VIPR2: variants seen among roughly 807,000 people sequenced by gnomAD.
VIPR2 encodes the protein vasoactive intestinal peptide receptor 2, also known as vasoactive intestinal polypeptide receptor 2.
In VIPR2, 48 loss-of-function variants were observed where a neutral mutation model predicts 58.0. The ratio of observed to expected loss-of-function variants is 0.83; its 90% CI spans 0.66 to 1.05. VIPR2 has a LOEUF of 1.05. VIPR2 is among the 50% of genes least tolerant of loss of function. The pLI, the probability that VIPR2 is intolerant of heterozygous loss-of-function variation, is 0.00. For synonymous variants in VIPR2, 243 were observed against 235.2 expected, an observed-to-expected ratio of 1.03 and a Z score of -0.30; for missense variants, 534 against 558.0, an observed-to-expected ratio of 0.96 and a Z score of 0.43.
At chr7:159,110,607 G>A (rs1278777077) in intron 2 of VIPR2, among the ~76,000 whole-genome samples, 4 of 151,906 alleles carry the variant, frequency 2.6e-5, no homozygotes, top group Non-Finnish European at 4.4e-5. Context: ...ACTTGTCCAT[G>A]GTATTTATAC....
In VIPR2 at chr7:159,103,976, G is replaced by A; in HGVS notation, c.260-122C>T. The A allele has an allele frequency of 5.0e-6, 4 of 800,924 alleles. No individual in the cohort carries two copies. In the South Asian group the frequency reaches 6.5e-5, roughly 13 times the overall value. 49.6% of individuals were successfully genotyped at this position (800,924 alleles called of 1,614,324 possible). A position where few individuals can be genotyped will look rare whatever the true frequency, so the allele number is the denominator to read the frequency against. ...CTTCCCACACCCAGGGGTCAGCTAGGAGACAGGACTGCCACTCAAAAAACC... is the reference window on the plus strand; with the variant it reads ...CTTCCCACACCCAGGGGTCAGCTAGAAGACAGGACTGCCACTCAAAAAACC... On this transcript the variant is annotated intron_variant, in intron 3 of 12. Coordinates refer to ENST00000262178, the MANE Select transcript of VIPR2 (RefSeq NM_003382.5).
Position 159,097,032 on chromosome 7 carries a change from C to A in VIPR2, c.357+6725G>T. On this transcript the variant is annotated intron_variant, in intron 4 of 12. Transcript: ENST00000262178. This position sits in a 1 kb window ranked among gnomAD's most constrained non-coding sequence, Gnocchi z 5.3. Reference sequence around the variant, plus strand: ...CTCTCAGAGGTGATTTGGGGCAGGCCGCTCTGGGGGTCTCTGGCAGGCTCC... The same window carrying A: ...CTCTCAGAGGTGATTTGGGGCAGGCAGCTCTGGGGGTCTCTGGCAGGCTCC... The A allele has an allele frequency of 6.5e-7, 1 of 1,550,074 alleles. No individual in the cohort carries two copies. The highest frequency in any genetic ancestry group is 8.7e-7 in the Non-Finnish European group (1 of 1,146,702).
intron 4 of VIPR2, among the ~76,000 whole-genome samples, chr7:159,092,493 A>G (rs906500249): frequency 6.6e-6 from 1 of 152,128 alleles, no homozygotes; most frequent in South Asian, 2.1e-4. Context: ...ATCTTCAAAT[A>G]TTCATTTCCT....
At chr7:159,042,929 G>T in intron 6 of VIPR2, 106 bp downstream of exon 6, 1 of 1,414,670 alleles carries the variant, frequency 7.1e-7, no homozygotes, top group Non-Finnish European at 9.5e-7. Context: ...ATGACCCTGT[G>T]CCCTGACAGG....
chr7:159,101,368 G>A (rs1165104446), intron 4 of VIPR2, among the ~76,000 whole-genome samples: 10 of 129,778 alleles, frequency 7.7e-5, no homozygotes, highest in Admixed American at 1.6e-4. Flanking sequence ...CGGGTCTCAC[G>A]AGATCCGACG....
intron 10 of VIPR2, among the ~76,000 whole-genome samples, chr7:159,033,618 A>G (rs924745256): frequency 6.6e-6 from 1 of 152,178 alleles, no homozygotes; most frequent in African/African-American, 2.4e-5. Flanking sequence ...CATCTACTGA[A>G]GGGAGATCAC....
intron 2 of VIPR2, among the ~76,000 whole-genome samples, chr7:159,131,058 C>T (rs970630329): frequency 4.6e-5 from 7 of 152,076 alleles, no homozygotes; most frequent in East Asian, 1.9e-4. Flanking sequence ...CATGCAGAAA[C>T]GTAGATAATG....
At chr7:159,067,444 C>G (rs1346569019) in intron 4 of VIPR2, among the ~76,000 whole-genome samples, 1 of 152,208 alleles carries the variant, frequency 6.6e-6, no homozygotes, top group Non-Finnish European at 1.5e-5. Flanking sequence ...CACCAACGGC[C>G]CAGAACCCAG....
At chr7:159,111,502 A>C (rs1826416779) in intron 2 of VIPR2, among the ~76,000 whole-genome samples, 1 of 152,050 alleles carries the variant, frequency 6.6e-6, no homozygotes, top group African/African-American at 2.4e-5. Context: ...CAACATGGTG[A>C]AACCCCGTCT....
rs144616955 is a variant in VIPR2, at chr7:159,094,154, C to G, written c.357+9603G>C. On this transcript the variant is annotated intron_variant, in intron 4 of 12. Transcript: ENST00000262178. ...TCTCCACAGGGGAGGCTCCTCCCCT[C>G]TGCTCCATCCCCATGGGAGCCAGGG... Among the ~76,000 whole-genome samples, 1,288 of 152,336 alleles carry G rather than the reference C, an allele frequency of 8.5e-3. 21 individuals carry two copies. The highest frequency in any genetic ancestry group is 0.027 in the African/African-American group (1,110 of 41,574).
intron 3 of VIPR2, among the ~76,000 whole-genome samples, chr7:159,104,148 T>G (rs921598917): frequency 6.6e-6 from 1 of 152,180 alleles, no homozygotes; most frequent in Non-Finnish European, 1.5e-5. Flanking sequence ...TGAAAATTCT[T>G]AACAGACTCT....
At chr7:159,103,270 C>T (rs549261432) in intron 4 of VIPR2, among the ~76,000 whole-genome samples, 13 of 152,254 alleles carry the variant, frequency 8.5e-5, no homozygotes, top group African/African-American at 2.2e-4. Context: ...CACCTCTTGG[C>T]GGAGGACAAG....
intron 4 of VIPR2, among the ~76,000 whole-genome samples, chr7:159,078,468 G>A (rs1048895289): frequency 6.6e-6 from 1 of 152,164 alleles, no homozygotes; most frequent in African/African-American, 2.4e-5. Context: ...ATATTCAAAA[G>A]CTGATTTCCA....
chr7:159,066,500 C>T (rs1856103471), intron 4 of VIPR2, among the ~76,000 whole-genome samples: 2 of 152,232 alleles, frequency 1.3e-5, no homozygotes, highest in Admixed American at 6.5e-5. Flanking sequence ...ATGCCTGCTC[C>T]TGCAGCATTC....
chr7:159,031,669 T>C lies in VIPR2; in HGVS notation c.1143+159A>G, dbSNP rs1853594513. The C allele has an allele frequency of 1.0e-6, 1 of 985,042 alleles. No homozygotes were observed. The highest frequency in any genetic ancestry group is 1.1e-4 in the East Asian group (1 of 8,768). 61.0% of individuals were successfully genotyped at this position (985,042 alleles called of 1,614,324 possible). On this transcript the variant is annotated intron_variant, in intron 12 of 12. Transcript: ENST00000262178. The surrounding 1 kb of genome is among the most constrained non-coding windows in gnomAD (Gnocchi z 4.0). ...CAGAAGAGTGGGTTTGCCTGTGTCG[T>C]TGTGGGTTCTCTGATGGGGACACAG...
Position 159,055,381 on chromosome 7 carries a change from C to T in VIPR2, c.455+3100G>A, listed in dbSNP as rs142596499. ...CCACATCTCGATCTGGTGCTGTGTT[C>T]GCCTGGTAAACATGCATTCTGAACA... On this transcript the variant is annotated intron_variant, in intron 5 of 12. Coordinates refer to ENST00000262178, the MANE Select transcript of VIPR2 (RefSeq NM_003382.5). Among the ~76,000 whole-genome samples the T allele has an allele frequency of 6.8e-3, 1,035 of 152,222 alleles. 8 individuals are homozygous for T. The highest frequency in any genetic ancestry group is 0.016 in the East Asian group (84 of 5,170).
chr7:159,057,378 A>G (rs992011956), intron 5 of VIPR2, among the ~76,000 whole-genome samples: 30 of 152,338 alleles, frequency 2.0e-4, no homozygotes, highest in African/African-American at 7.0e-4. Context: ...GCCCTGTATC[A>G]AAGGTAGACT....
intron 4 of VIPR2, among the ~76,000 whole-genome samples, chr7:159,090,429 C>T (rs1253759264): frequency 2.7e-5 from 2 of 74,360 alleles, no homozygotes; most frequent in African/African-American, 1.7e-4. Context: ...GCACAGGGGC[C>T]ACCTATTGTG....
chr7:159,136,707 C>G (rs1017826710), intron 2 of VIPR2, among the ~76,000 whole-genome samples: 1 of 152,134 alleles, frequency 6.6e-6, no homozygotes, highest in African/African-American at 2.4e-5. Flanking sequence ...AGGCTGAGCC[C>G]AGGAAAAGGA....
Sources: gnomAD v4.1 joint callset for allele counts (sites outside exome capture counted in the v4.1 genomes callset) on GRCh38, gnomAD v4.1.1 for gene constraint, Gnocchi (gnomAD v3.1) non-coding constraint, MANE v1.5 for transcripts, NCBI Gene and HGNC (gene_info 2026-07-23, HGNC 2026-07-21) for gene names.